The following PXDNL variants were observed in gnomAD, a reference collection of about 807,000 sequenced individuals.
PXDNL encodes probable oxidoreductase PXDNL.
A neutral mutation model predicts 150.8 loss-of-function variants in PXDNL; 145 were observed. That is an observed-to-expected ratio of 0.96 (90% CI 0.84 to 1.10). PXDNL has a LOEUF of 1.10. Among genes scored for constraint, PXDNL ranks in the 50% least tolerant of loss-of-function variants. The probability of loss-of-function intolerance (pLI) is 0.00; values close to 1 mark genes in which losing one functional copy is unlikely to be tolerated. For synonymous variants in PXDNL, 757 were observed against 725.7 expected (o/e 1.04, Z -0.69); for missense variants, 2,087 against 1,873.9 (o/e 1.11, Z -2.10).
chr8:51,575,354 TAA>T (rs1378708421), intron 3 of PXDNL, among the ~76,000 whole-genome samples: 3 of 151,168 alleles, frequency 2.0e-5, no homozygotes, highest in Non-Finnish European at 4.4e-5. Flanking sequence ...AGGGAGAAAA[TAA>T]ACAGAAAAAA....
chr8:51,484,050 C>T (rs1810666521), intron 5 of PXDNL, among the ~76,000 whole-genome samples: 1 of 152,114 alleles, frequency 6.6e-6, no homozygotes, highest in Non-Finnish European at 1.5e-5. Context: ...TCATTATCAG[C>T]AGGCAATGTA....
At chr8:51,363,667 T>C (rs1263430583) in intron 19 of PXDNL, among the ~76,000 whole-genome samples, 6 of 152,298 alleles carry the variant, frequency 3.9e-5, no homozygotes, top group Middle Eastern at 3.4e-3. Context: ...GGTGCTGCGC[T>C]GTATGTCTGT....
At chr8:51,438,511 C>T (rs1313754863) in intron 12 of PXDNL, among the ~76,000 whole-genome samples, 5 of 152,084 alleles carry the variant, frequency 3.3e-5, no homozygotes, top group Admixed American at 2.0e-4. Flanking sequence ...GTCAGGAGAT[C>T]GAGACCATCC....
At chr8:51,419,137 G>A (rs1446485582) in intron 14 of PXDNL, among the ~76,000 whole-genome samples, 2 of 152,124 alleles carry the variant, frequency 1.3e-5, no homozygotes, top group Admixed American at 1.3e-4. Flanking sequence ...AGGACTGTGG[G>A]TCCACCAAAA....
chr8:51,669,529 A>G (rs1257146062), intron 1 of PXDNL, among the ~76,000 whole-genome samples: 1 of 152,182 alleles, frequency 6.6e-6, no homozygotes, highest in Non-Finnish European at 1.5e-5. Flanking sequence ...TTAGTCTCTT[A>G]AGAGATGGTT....
intron 1 of PXDNL, among the ~76,000 whole-genome samples, chr8:51,670,404 G>A (rs543972326): frequency 6.6e-6 from 1 of 152,268 alleles, no homozygotes; most frequent in East Asian, 1.9e-4. Flanking sequence ...CCTACACATG[G>A]TAGAGCCTAC....
At chr8:51,656,227 TAA>T (rs1198110004) in intron 1 of PXDNL, among the ~76,000 whole-genome samples, 5 of 152,212 alleles carry the variant, frequency 3.3e-5, no homozygotes, top group African/African-American at 4.8e-5. Context: ...CAAAACTTTA[TAA>T]GAGTACCTTA....
chr8:51,578,053 A>AAGGAAG (rs1813123793), intron 3 of PXDNL, among the ~76,000 whole-genome samples: 6 of 127,216 alleles, frequency 4.7e-5, no homozygotes, highest in African/African-American at 1.8e-4. Context: ...AAGGAAGGAA[A>AAGGAAG]GAAAGAAAGG....
chr8:51,732,043 A>T (rs1272148833), intron 1 of PXDNL, among the ~76,000 whole-genome samples: 2 of 152,210 alleles, frequency 1.3e-5, no homozygotes, highest in Non-Finnish European at 2.9e-5. Flanking sequence ...GCTTGAATTT[A>T]TCCTCAGAAA....
intron 1 of PXDNL, among the ~76,000 whole-genome samples, chr8:51,758,245 C>T (rs1256783436): frequency 6.6e-6 from 1 of 152,086 alleles, no homozygotes; most frequent in Non-Finnish European, 1.5e-5. Flanking sequence ...GCTAAACATA[C>T]ATATATATGA....
At chr8:51,499,854 G>A (rs1237968659) in intron 4 of PXDNL, 84 bp from the exon 5 acceptor site, 12 of 872,604 alleles carry the variant, frequency 1.4e-5, no homozygotes, top group Non-Finnish European at 2.3e-5. Context: ...TGCTTCAGCT[G>A]AAATTATGAA....
At chr8:51,373,478 A>T (rs1211185540) in intron 18 of PXDNL, among the ~76,000 whole-genome samples, 1 of 152,212 alleles carries the variant, frequency 6.6e-6, no homozygotes, top group African/African-American at 2.4e-5. Flanking sequence ...CTTTGACTAC[A>T]TATATTTTTA....
intron 4 of PXDNL, among the ~76,000 whole-genome samples, chr8:51,534,968 G>C (rs1225011322): frequency 8.8e-6 from 1 of 113,526 alleles, no homozygotes; most frequent in African/African-American, 4.9e-5. Context: ...GAGGGAGGTG[G>C]GGGGGTCAGC....
At chr8:51,415,923 A>G (rs1351057126) in intron 14 of PXDNL, among the ~76,000 whole-genome samples, 1 of 152,228 alleles carries the variant, frequency 6.6e-6, no homozygotes, top group African/African-American at 2.4e-5. Flanking sequence ...TACTATAAAC[A>G]TAGCTACATT....
At chr8:51,620,665 T>C (rs1814232398) in intron 2 of PXDNL, among the ~76,000 whole-genome samples, 1 of 151,924 alleles carries the variant, frequency 6.6e-6, no homozygotes, top group Admixed American at 6.6e-5. Context: ...TGTCTCAACC[T>C]CTCAAGTAGC....
At chr8:51,582,956 A>G (rs1762146679) in intron 3 of PXDNL, among the ~76,000 whole-genome samples, 1 of 152,218 alleles carries the variant, frequency 6.6e-6, no homozygotes. Context: ...ACATTGAAGG[A>G]ATTTTATAAA....
intron 17 of PXDNL, among the ~76,000 whole-genome samples, chr8:51,402,059 T>C (rs1189903852): frequency 1.3e-5 from 2 of 152,264 alleles, no homozygotes; most frequent in East Asian, 1.9e-4. Flanking sequence ...AGAATGCAAG[T>C]TTTTGGGAAG....
At chr8:51,718,445 T>C (rs7832319) in intron 1 of PXDNL, among the ~76,000 whole-genome samples, 148,058 of 152,356 alleles carry the variant, frequency 0.97, 72,085 homozygotes, top group East Asian at 1. Context: ...ATCATGCATA[T>C]ACTTTCCAGC....
chr8:51,329,749 C>T (rs1268624612), intron 21 of PXDNL, among the ~76,000 whole-genome samples: 3 of 152,076 alleles, frequency 2.0e-5, no homozygotes, highest in African/African-American at 4.8e-5. Context: ...ATGAAGAATG[C>T]CTTCGATGGC....
Sources: gnomAD v4.1 joint callset for allele counts (sites outside exome capture counted in the v4.1 genomes callset) on GRCh38, gnomAD v4.1.1 for gene constraint, MANE v1.5 for transcripts, NCBI Gene and HGNC (gene_info 2026-07-23, HGNC 2026-07-21) for gene names.